The following DOCK1 variants were observed in gnomAD, a reference collection of about 807,000 sequenced individuals.
DOCK1 encodes the protein dedicator of cytokinesis protein 1.
Under a neutral mutation model 262.7 loss-of-function variants are expected in DOCK1, and 138 were observed. The observed-to-expected ratio is 0.53, with a 90% confidence interval of 0.46 to 0.61. DOCK1 has a LOEUF of 0.61. Ranked by LOEUF, DOCK1 falls within the 20% of genes least tolerant of loss-of-function variation. The pLI, the probability that DOCK1 is intolerant of heterozygous loss-of-function variation, is 0.00. For missense variants in DOCK1, 1,908 were observed against 2,370.7 expected, an observed-to-expected ratio of 0.80 and a Z score of 4.05; for synonymous variants, 866 against 867.4, an observed-to-expected ratio of 1.00 and a Z score of 0.03.
intron 24 of DOCK1, among the ~76,000 whole-genome samples, chr10:127,109,729 T>C (rs2048752302): frequency 6.6e-6 from 1 of 152,240 alleles, no homozygotes; most frequent in African/African-American, 2.4e-5. Context: ...AAATGAATTG[T>C]GTGGCTATAC....
chr10:127,020,411 C>G (rs1209386637), intron 13 of DOCK1, among the ~76,000 whole-genome samples: 11 of 151,926 alleles, frequency 7.2e-5, no homozygotes, highest in Non-Finnish European at 1.5e-5. Flanking sequence ...TAAGTCTAGG[C>G]CCGGCGTGGT....
At chr10:127,000,491 T>G in intron 10 of DOCK1, 184 bp downstream of exon 10, 1 of 842,842 alleles carries the variant, frequency 1.2e-6, no homozygotes, top group Non-Finnish European at 1.7e-6. Flanking sequence ...AGGCTCAGGA[T>G]GCTCTAGTCC....
chr10:127,209,767 C>A (rs1417702041), intron 27 of DOCK1, among the ~76,000 whole-genome samples: 3 of 152,176 alleles, frequency 2.0e-5, no homozygotes, highest in Admixed American at 6.5e-5. Context: ...TTAAAGGTTA[C>A]ACATAGAATT....
intron 29 of DOCK1, among the ~76,000 whole-genome samples, chr10:127,269,626 C>T (rs1284779823): frequency 6.6e-6 from 1 of 152,188 alleles, no homozygotes; most frequent in Non-Finnish European, 1.5e-5. Flanking sequence ...AAGCCAGTCA[C>T]CAAAATGGTG....
chr10:127,248,243 C>T (rs943946852), intron 28 of DOCK1, 134 bp downstream of exon 28: 9 of 820,072 alleles, frequency 1.1e-5, no homozygotes, highest in African/African-American at 3.5e-5. Context: ...TCAAATGCCT[C>T]CTGGGAAGGT....
chr10:127,373,751 A>G (rs760227340), intron 33 of DOCK1, 30 bp from the exon 34 acceptor site: 11 of 1,572,782 alleles, frequency 7.0e-6, no homozygotes, highest in Middle Eastern at 1.7e-4. Context: ...CGCCATGCTG[A>G]TTATTTACGC....
At chr10:127,211,240 A>G (rs1476913097) in intron 27 of DOCK1, among the ~76,000 whole-genome samples, 1 of 152,188 alleles carries the variant, frequency 6.6e-6, no homozygotes. Flanking sequence ...TGCCAGACAG[A>G]TGGGATTTTC....
At chr10:127,055,718 G>A (rs2045097403) in intron 22 of DOCK1, among the ~76,000 whole-genome samples, 1 of 152,158 alleles carries the variant, frequency 6.6e-6, no homozygotes, top group Non-Finnish European at 1.5e-5. Flanking sequence ...ATTAGTTTGG[G>A]AGTCAATCTC....
chr10:127,438,909 C>A (rs915732303), intron 48 of DOCK1, 118 bp from the exon 49 acceptor site: 4 of 1,126,316 alleles, frequency 3.6e-6, no homozygotes, highest in Non-Finnish European at 5.0e-6. Flanking sequence ...CTTGGCCTCC[C>A]TTTTAAATCA....
intron 1 of DOCK1, among the ~76,000 whole-genome samples, chr10:126,930,495 G>A (rs1029015117): frequency 0.037 from 5,708 of 152,290 alleles, 287 homozygotes; most frequent in African/African-American, 0.12. Flanking sequence ...TGCCCTTCCC[G>A]GGTGGGTTGG....
chr10:127,034,944 G>A (rs1264500307), intron 18 of DOCK1, among the ~76,000 whole-genome samples: 1 of 152,182 alleles, frequency 6.6e-6, no homozygotes, highest in Admixed American at 6.5e-5. Context: ...AGCTCCTTAA[G>A]TCTCACCAGC....
chr10:126,919,986 C>T (rs1288269818), intron 1 of DOCK1, among the ~76,000 whole-genome samples: 2 of 152,156 alleles, frequency 1.3e-5, no homozygotes, highest in Non-Finnish European at 2.9e-5. Flanking sequence ...ACTTCCAGGA[C>T]TAAGGCAGTG....
rs377023959 is a variant in DOCK1 at position 126,987,541 on chromosome 10, C to A, written c.248C>A (p.Pro83Gln). ...CCCAGGCAACATGAAACAGTCATCCCGGGTGACCTCCCCCTCATCCAGGAA... is the reference window on the plus strand; with the variant it reads ...CCCAGGCAACATGAAACAGTCATCCAGGGTGACCTCCCCCTCATCCAGGAA... ...EGKGQHETVI[P>Q]GDLPLIQEVT... The change falls in exon 5 of 52, where the codon CCG becomes CAG. Residue 83 changes from proline (P) to glutamine (Q), a missense_variant. Transcript: ENST00000623213. 1 of 1,579,784 alleles carries A rather than the reference C, an allele frequency of 6.3e-7. No individual in the cohort carries two copies. Among genetic ancestry groups the A allele is most frequent in the East Asian group, 2.3e-5 (1 of 43,030 alleles).
intron 1 of DOCK1, among the ~76,000 whole-genome samples, chr10:126,951,906 G>A (rs2036284091): frequency 6.7e-6 from 1 of 149,810 alleles, no homozygotes; most frequent in Non-Finnish European, 1.5e-5. Context: ...CTGGAGTGCA[G>A]TGGTGCGATC....
intron 19 of DOCK1, among the ~76,000 whole-genome samples, 173 bp downstream of exon 19, chr10:127,037,989 T>G (rs897457458): frequency 6.6e-6 from 1 of 151,930 alleles, no homozygotes; most frequent in Admixed American, 6.6e-5. Context: ...ATCTCAGCAC[T>G]TTGGGAGGCC....
At chr10:127,101,866 C>A (rs562759157) in intron 23 of DOCK1, among the ~76,000 whole-genome samples, 6 of 152,188 alleles carry the variant, frequency 3.9e-5, no homozygotes, top group Non-Finnish European at 8.8e-5. Context: ...GCAAGCGAAA[C>A]GAGAGACCGG....
intron 27 of DOCK1, among the ~76,000 whole-genome samples, chr10:127,204,798 A>G (rs926775356): frequency 6.6e-6 from 1 of 152,132 alleles, no homozygotes; most frequent in African/African-American, 2.4e-5. Context: ...TAAGAAGTAA[A>G]TGTGGCTTTG....
intron 25 of DOCK1, among the ~76,000 whole-genome samples, chr10:127,112,006 C>A (rs572765054): frequency 6.6e-6 from 1 of 150,836 alleles, no homozygotes; most frequent in Admixed American, 6.6e-5. Flanking sequence ...ATGAAAGATT[C>A]AATTAGATTT....
intron 4 of DOCK1, 50 bp downstream of exon 4, chr10:126,982,023 G>A: frequency 6.3e-7 from 1 of 1,588,876 alleles, no homozygotes; most frequent in Non-Finnish European, 8.6e-7. Flanking sequence ...ACTATATTTG[G>A]CCTTGCTGCT....
Sources: allele counts gnomAD v4.1 joint callset (sites outside exome capture counted in the v4.1 genomes callset), GRCh38; gene constraint gnomAD v4.1.1; transcripts MANE v1.5; gene names NCBI Gene and HGNC (gene_info 2026-07-23, HGNC 2026-07-21).